Variants in HIPK3 observed in about 807,000 individuals in gnomAD.
HIPK3 encodes the protein homeodomain interacting protein kinase 3.
A neutral mutation model predicts 124.2 loss-of-function variants in HIPK3; 47 were observed. The ratio of observed to expected loss-of-function variants is 0.38; its 90% CI spans 0.30 to 0.48. The LOEUF is 0.48. HIPK3 is among the 20% of genes least tolerant of loss of function. The pLI is 0.98. For missense variants in HIPK3, 1,286 were observed against 1,454.3 expected, an observed-to-expected ratio of 0.88 and a Z score of 1.88; for synonymous variants, 482 against 515.2, an observed-to-expected ratio of 0.94 and a Z score of 0.87.
rs183354813 is a variant in HIPK3 at position 33,353,734 on chromosome 11, A to G, written c.*166A>G. The G allele has an allele frequency of 1.4e-5, 8 of 590,172 alleles. No homozygotes were observed. The highest frequency in any genetic ancestry group is 2.1e-5 in the Non-Finnish European group (7 of 333,738). 36.6% of individuals were successfully genotyped at this position (590,172 alleles called of 1,614,324 possible). ...AAAACTCACTTTTGATGTGTTTTGC[A>G]CATTTGGTATAACTTGTCTTTGGTC... On this transcript the variant is annotated 3_prime_UTR_variant, in exon 17 of 17. Transcript: ENST00000303296.
chr11:33,275,204 T>C (rs1851239826), intron 1 of HIPK3, among the ~76,000 whole-genome samples: 1 of 152,046 alleles, frequency 6.6e-6, no homozygotes, highest in Non-Finnish European at 1.5e-5. Context: ...CATGCCTAGC[T>C]AATTTTTGTA....
chr11:33,291,072 A>G (rs1332330984), intron 2 of HIPK3, among the ~76,000 whole-genome samples: 2 of 152,216 alleles, frequency 1.3e-5, no homozygotes, highest in East Asian at 3.8e-4. Flanking sequence ...GTATTCAGGT[A>G]TATCAGTGAA....
In HIPK3 at chr11:33,347,011, C is replaced by A. The variant is rs1412614290; in HGVS notation, c.1898-282C>A. 2.6e-5 allele frequency among the ~76,000 whole-genome samples: 4 copies of A among 151,834 alleles called. No homozygotes were observed. The East Asian group carries it at 7.7e-4, about 29-fold the overall frequency. On this transcript the variant is annotated intron_variant, in intron 8 of 16. Transcript: ENST00000303296. ...CAAGACCAGCCTGAGCAACATAGACCCTGTCTCTACCAAAAATTAAAGAGA... is the reference window on the plus strand; with the variant it reads ...CAAGACCAGCCTGAGCAACATAGACACTGTCTCTACCAAAAATTAAAGAGA...
chr11:33,325,903 C>T (rs1276037525), intron 2 of HIPK3, among the ~76,000 whole-genome samples: 1 of 152,192 alleles, frequency 6.6e-6, no homozygotes, highest in East Asian at 1.9e-4. Flanking sequence ...TCCATACACA[C>T]ACTTGAATAT....
rs1166073814 is a variant in HIPK3 at position 33,355,400 on chromosome 11, C to G, written c.*1832C>G. The G allele has an allele frequency of 6.6e-6, 1 of 151,902 alleles. No individual in the cohort carries two copies. Among genetic ancestry groups the G allele is most frequent in the Non-Finnish European group, 1.5e-5 (1 of 67,866 alleles). The allele number at this position is 151,902 out of a possible 1,614,324, so 9.4% of individuals were successfully genotyped here. A position where few individuals can be genotyped will look rare whatever the true frequency, so the allele number is the denominator to read the frequency against. On this transcript the variant is annotated 3_prime_UTR_variant, in exon 17 of 17. Transcript: ENST00000303296. ...ACTTAATTTTTTATTTTCATACTGG[C>G]ATTGTAGACACTTGAGAAAGCTGTA...
chr11:33,354,561 T>A lies in HIPK3; in HGVS notation c.*993T>A, dbSNP rs558049115. The A allele has an allele frequency of 6.5e-6, 1 of 152,724 alleles. No individual in the cohort carries two copies. The highest frequency in any genetic ancestry group is 1.5e-5 in the Non-Finnish European group (1 of 68,002). The allele number at this position is 152,724 out of a possible 1,614,324, so 9.5% of individuals were successfully genotyped here. On this transcript the variant is annotated 3_prime_UTR_variant, in exon 17 of 17. Transcript: ENST00000303296. ...GGGTAGATAATAAAATGCAAAATGC[T>A]CATTGATTCATGATGTGGTTTTATC...
chr11:33,354,391 A>G lies in HIPK3; in HGVS notation c.*823A>G, dbSNP rs1853759314. On this transcript the variant is annotated 3_prime_UTR_variant, in exon 17 of 17. Coordinates refer to ENST00000303296, the MANE Select transcript of HIPK3 (RefSeq NM_005734.5). ...AGTGCTTAAGAAAAATTGATTCAGT[A>G]TCTAATGGATAGTTGATAACTGTCA... 1 of 152,644 alleles carries G rather than the reference A, an allele frequency of 6.6e-6. No individual in the cohort carries two copies. Among genetic ancestry groups the G allele is most frequent in the African/African-American group, 2.4e-5 (1 of 41,456 alleles). 9.5% of individuals were successfully genotyped at this position (152,644 alleles called of 1,614,324 possible).
rs767826647 is a variant in HIPK3, at chr11:33,286,840, G to C, written c.426G>C (p.Gln142His). ...TGGATAATCATAGCAGCGCAATGCAGATTGTCGATGAATTGTCCATACTTC... is the reference window on the plus strand; with the variant it reads ...TGGATAATCATAGCAGCGCAATGCACATTGTCGATGAATTGTCCATACTTC... Reference protein sequence around the residue: ...EELDNHSSAMQIVDELSILPA... With the variant: ...EELDNHSSAMHIVDELSILPA... The change falls in exon 2 of 17, where the codon CAG becomes CAC. Residue 142 changes from glutamine (Q) to histidine (H), a missense_variant. By Grantham distance (24) the Gln-to-His change is conservative. Coordinates refer to ENST00000303296, the MANE Select transcript of HIPK3 (RefSeq NM_005734.5). 6.2e-7 allele frequency: 1 copy of C among 1,614,086 alleles called. No homozygotes were observed. Among genetic ancestry groups the C allele is most frequent in the African/African-American group, 1.3e-5 (1 of 74,942 alleles).
At chr11:33,322,059 G>A (rs1055460997) in intron 2 of HIPK3, among the ~76,000 whole-genome samples, 3 of 152,050 alleles carry the variant, frequency 2.0e-5, no homozygotes, top group South Asian at 2.1e-4. Flanking sequence ...GAGTGCAGTG[G>A]CGCGATCTTG....
chr11:33,341,228 C>T, intron 7 of HIPK3, 101 bp downstream of exon 7: 1 of 818,816 alleles, frequency 1.2e-6, no homozygotes, highest in East Asian at 2.7e-5. Context: ...TTAGAATGTA[C>T]AGTGCTGTGA....
At chr11:33,262,091 A>G (rs777247487) in intron 1 of HIPK3, among the ~76,000 whole-genome samples, 26 of 152,198 alleles carry the variant, frequency 1.7e-4, no homozygotes, top group Non-Finnish European at 3.5e-4. Context: ...AAAAATATAT[A>G]TCTTGCCTAA....
chr11:33,313,789 C>G (rs1852416092), intron 2 of HIPK3, among the ~76,000 whole-genome samples: 1 of 152,122 alleles, frequency 6.6e-6, no homozygotes, highest in South Asian at 2.1e-4. Flanking sequence ...TTTCTATGTG[C>G]TCATTTATGC....
intron 6 of HIPK3, among the ~76,000 whole-genome samples, chr11:33,340,536 GT>G (rs1346444389): frequency 1.3e-5 from 2 of 152,156 alleles, no homozygotes; most frequent in Non-Finnish European, 2.9e-5. Context: ...TAAAAATTAC[GT>G]TTTTCTACAG....
At chr11:33,325,143 T>C (rs927419560) in intron 2 of HIPK3, among the ~76,000 whole-genome samples, 1 of 152,248 alleles carries the variant, frequency 6.6e-6, no homozygotes, top group Non-Finnish European at 1.5e-5. Context: ...TCACCATCAG[T>C]TAGAAACTTG....
intron 1 of HIPK3, among the ~76,000 whole-genome samples, chr11:33,286,172 C>G (rs1046803682): frequency 1.3e-5 from 2 of 151,992 alleles, no homozygotes; most frequent in African/African-American, 4.8e-5. Flanking sequence ...TTATTCTTAG[C>G]CTTTTAACGC....
upstream of HIPK3, chr11:33,256,702 A>T: frequency 1.0e-6 from 1 of 984,072 alleles, no homozygotes; most frequent in Non-Finnish European, 1.2e-6. Flanking sequence ...GAAAGAAACT[A>T]GTCTTTGGGA....
chr11:33,347,003 A>G (rs1039263302), intron 8 of HIPK3, among the ~76,000 whole-genome samples: 11 of 152,106 alleles, frequency 7.2e-5, no homozygotes, highest in African/African-American at 2.7e-4. Flanking sequence ...AGCCTGAGCA[A>G]CATAGACCCT....
chr11:33,329,598 A>T (rs1852912803), intron 3 of HIPK3, among the ~76,000 whole-genome samples: 1 of 152,208 alleles, frequency 6.6e-6, no homozygotes, highest in African/African-American at 2.4e-5. Flanking sequence ...ATTAGATGTT[A>T]TCATTGACTT....
In HIPK3 at chr11:33,353,527, C is replaced by G; in HGVS notation, c.3607C>G (p.Pro1203Ala). ...IAASPAYTGF[P>A]LSPTKLSQYP... ...AGCATCACCTGCATATACTGGATTT[C>G]CACTGAGTCCAACAAAACTCAGCCA... is the stretch of plus-strand genomic sequence containing the variant. Residue 1203 changes from proline (P) to alanine (A), a missense_variant, in exon 17 of 17, where the codon CCA becomes GCA. Coordinates refer to ENST00000303296, the MANE Select transcript of HIPK3 (RefSeq NM_005734.5). 6.2e-7 allele frequency: 1 copy of G among 1,613,660 alleles called. No homozygotes were observed. Among genetic ancestry groups the G allele is most frequent in the Non-Finnish European group, 8.5e-7 (1 of 1,179,586 alleles).
Sources: gnomAD v4.1 joint callset for allele counts (sites outside exome capture counted in the v4.1 genomes callset) on GRCh38, gnomAD v4.1.1 for gene constraint, MANE v1.5 for transcripts, NCBI Gene and HGNC (gene_info 2026-07-23, HGNC 2026-07-21) for gene names.